The following TBCA variants were observed in gnomAD, a reference collection of about 807,000 sequenced individuals.
TBCA encodes the protein tubulin folding cofactor A.
In TBCA, 6 loss-of-function variants were observed where a neutral mutation model predicts 15.8. That is an observed-to-expected ratio of 0.38 (90% CI 0.21 to 0.75). TBCA has a LOEUF of 0.75. Ranked by LOEUF, TBCA falls within the 30% of genes least tolerant of loss-of-function variation. TBCA has a pLI of 0.46. For synonymous variants in TBCA, 32 were observed against 42.3 expected (o/e 0.76, Z 0.94); for missense variants, 90 against 131.2 (o/e 0.69, Z 1.53).
intron 1 of TBCA, among the ~76,000 whole-genome samples, chr5:77,750,406 G>A (rs1747295796): frequency 6.6e-6 from 1 of 152,110 alleles, no homozygotes. Flanking sequence ...CTCTGGGGAT[G>A]TGTTCCTGAC....
intron 1 of TBCA, among the ~76,000 whole-genome samples, chr5:77,749,290 C>T: frequency 6.6e-6 from 1 of 152,226 alleles, no homozygotes; most frequent in East Asian, 1.9e-4. Context: ...AAAATTATTA[C>T]AGTAGTACAG....
chr5:77,746,151 G>A (rs545088569), intron 1 of TBCA, among the ~76,000 whole-genome samples: 1 of 152,136 alleles, frequency 6.6e-6, no homozygotes, highest in East Asian at 1.9e-4. Flanking sequence ...TTTCAGGCCC[G>A]GCCGTGGTAG....
Position 77,743,576 on chromosome 5 carries a change from G to A in TBCA, c.53+32629C>T, listed in dbSNP as rs34957621. ...GGGAATCCTAAGGCTAAAGTCTGCCGTCAGGGGAATCCCATGTCTCCCAGG... is the reference window on the plus strand; with the variant it reads ...GGGAATCCTAAGGCTAAAGTCTGCCATCAGGGGAATCCCATGTCTCCCAGG... On this transcript the variant is annotated intron_variant, in intron 1 of 3. Transcript: ENST00000380377. Among the ~76,000 whole-genome samples the A allele has an allele frequency of 2.2e-3, 334 of 152,314 alleles. 2 individuals are homozygous for A. Among genetic ancestry groups the A allele is most frequent in the Non-Finnish European group, 3.5e-3 (235 of 68,024 alleles).
chr5:77,771,704 T>C (rs1747919404), intron 1 of TBCA, among the ~76,000 whole-genome samples: 1 of 152,210 alleles, frequency 6.6e-6, no homozygotes, highest in Non-Finnish European at 1.5e-5. Context: ...CATCTACTTA[T>C]TGCCTGTTTC....
At chr5:77,732,550 C>CAAAAA (rs35780694) in intron 1 of TBCA, among the ~76,000 whole-genome samples, 12 of 89,504 alleles carry the variant, frequency 1.3e-4, no homozygotes, top group African/African-American at 5.4e-4. Flanking sequence ...GACTCTGTCT[C>CAAAAA]AAAAAAAAAA....
rs1175993863 is a variant in TBCA at position 77,752,562 on chromosome 5, C to CT, written c.53+23642dup. ...TTTTGTTTTGTTTTGTTTTGTTTTT[C>CT]TTTTTTTGAGACGGAGTCTCGCTCT... On this transcript the variant is annotated intron_variant, in intron 1 of 3. Transcript: ENST00000380377. Among the ~76,000 whole-genome samples the CT allele has an allele frequency of 4.2e-5, 2 of 48,010 alleles. 1 individual carries two copies. Among genetic ancestry groups the CT allele is most frequent in the Non-Finnish European group, 9.9e-5 (2 of 20,242 alleles). The allele number at this position is 48,010 out of a possible 152,430, so 31.5% of individuals were successfully genotyped here. A position where few individuals can be genotyped will look rare whatever the true frequency, so the allele number is the denominator to read the frequency against.
intron 1 of TBCA, among the ~76,000 whole-genome samples, chr5:77,745,041 T>C (rs756334027): frequency 7.2e-5 from 11 of 152,324 alleles, no homozygotes; most frequent in Middle Eastern, 3.4e-3. Flanking sequence ...ACATTACATA[T>C]TGTGAAAGTT....
chr5:77,714,694 G>GTAGCT (rs1746359776), intron 1 of TBCA, among the ~76,000 whole-genome samples: 1 of 151,888 alleles, frequency 6.6e-6, no homozygotes, highest in Non-Finnish European at 1.5e-5. Context: ...AGCCTCCCAG[G>GTAGCT]TAGCTGGGAC....
intron 1 of TBCA, among the ~76,000 whole-genome samples, chr5:77,756,961 G>C (rs1747490446): frequency 6.6e-6 from 1 of 152,156 alleles, no homozygotes; most frequent in African/African-American, 2.4e-5. Context: ...ATGGCAAAAG[G>C]GGTAAGGAGC....
intron 1 of TBCA, among the ~76,000 whole-genome samples, chr5:77,767,178 T>C (rs1443995445): frequency 6.6e-6 from 1 of 152,192 alleles, no homozygotes; most frequent in Non-Finnish European, 1.5e-5. Context: ...CAACAAATGA[T>C]TTATTAAAAT....
chr5:77,728,054 A>G (rs1746671352), intron 1 of TBCA, among the ~76,000 whole-genome samples: 1 of 152,186 alleles, frequency 6.6e-6, no homozygotes, highest in Admixed American at 6.5e-5. Flanking sequence ...CCTCAGAAGC[A>G]AAGATAAATA....
chr5:77,694,841 G>T lies in TBCA; in HGVS notation c.160-1489C>A, dbSNP rs532279738. 3.3e-5 allele frequency among the ~76,000 whole-genome samples: 5 copies of T among 152,190 alleles called. No individual in the cohort carries two copies. The South Asian group carries it at 1.0e-3, about 32-fold the overall frequency. ...TTCTTTATTCACATCTATTTTCTCA[G>T]GTGGAAATCTATTGTTGAACTTAAA... On this transcript the variant is annotated intron_variant, in intron 2 of 3. Coordinates refer to ENST00000380377, the MANE Select transcript of TBCA (RefSeq NM_004607.3).
chr5:77,755,524 A>C (rs1747453883), intron 1 of TBCA, among the ~76,000 whole-genome samples: 1 of 151,588 alleles, frequency 6.6e-6, no homozygotes, highest in African/African-American at 2.4e-5. Context: ...GCAGTGAGCC[A>C]AGATCATGAC....
intron 1 of TBCA, among the ~76,000 whole-genome samples, chr5:77,719,129 T>G (rs1746472389): frequency 6.6e-6 from 1 of 152,142 alleles, no homozygotes; most frequent in Non-Finnish European, 1.5e-5. Context: ...TTACCCTGCG[T>G]GGTAAGCAGG....
intron 1 of TBCA, among the ~76,000 whole-genome samples, chr5:77,724,829 C>T (rs1054371073): frequency 2.0e-5 from 3 of 152,128 alleles, no homozygotes; most frequent in Non-Finnish European, 4.4e-5. Flanking sequence ...CTAGAGTGTA[C>T]ATTTCTAGGA....
chr5:77,741,727 C>G (rs1380380192), intron 1 of TBCA, among the ~76,000 whole-genome samples: 1 of 151,788 alleles, frequency 6.6e-6, no homozygotes, highest in Non-Finnish European at 1.5e-5. Flanking sequence ...ATATATTTAC[C>G]AAGTCCAACA....
intron 1 of TBCA, among the ~76,000 whole-genome samples, chr5:77,709,941 T>C (rs1207862893): frequency 6.6e-6 from 1 of 151,932 alleles, no homozygotes; most frequent in Non-Finnish European, 1.5e-5. Context: ...TTACAGGACA[T>C]ATCCAGAACG....
chr5:77,744,597 G>C (rs529500471), intron 1 of TBCA, among the ~76,000 whole-genome samples: 1 of 138,776 alleles, frequency 7.2e-6, no homozygotes, highest in Non-Finnish European at 1.5e-5. Context: ...GGACAGTGGC[G>C]CGATCTCGGC....
intron 1 of TBCA, among the ~76,000 whole-genome samples, chr5:77,725,530 T>C (rs1746613616): frequency 6.6e-6 from 1 of 152,238 alleles, no homozygotes; most frequent in Admixed American, 6.5e-5. Context: ...TCGCTATTGA[T>C]AATGATTCTC....
Sources: gnomAD v4.1 joint callset for allele counts (sites outside exome capture counted in the v4.1 genomes callset) on GRCh38, gnomAD v4.1.1 for gene constraint, MANE v1.5 for transcripts, NCBI Gene and HGNC (gene_info 2026-07-23, HGNC 2026-07-21) for gene names.